The following ABCE1 variants were observed in gnomAD, a reference collection of about 807,000 sequenced individuals.
ABCE1 encodes ATP-binding cassette sub-family E member 1.
ABCE1 carries 22 observed loss-of-function variants against 83.4 expected under a neutral mutation model. The observed-to-expected ratio is 0.26, with a 90% confidence interval of 0.19 to 0.38. ABCE1 has a LOEUF of 0.38. Among genes scored for constraint, ABCE1 ranks in the 10% least tolerant of loss-of-function variants. ABCE1 has a pLI of 1.00. For missense variants in ABCE1, 330 were observed against 721.9 expected, an observed-to-expected ratio of 0.46 and a Z score of 6.22; for synonymous variants, 204 against 233.7, an observed-to-expected ratio of 0.87 and a Z score of 1.16.
At chr4:145,103,313 A>G (rs923518660) in intron 1 of ABCE1, among the ~76,000 whole-genome samples, 2 of 152,224 alleles carry the variant, frequency 1.3e-5, no homozygotes, top group Admixed American at 1.3e-4. Context: ...CTCTTTCTAA[A>G]TGGATAATCT....
At chr4:145,123,737 A>G in intron 16 of ABCE1, 137 bp downstream of exon 16, 2 of 837,772 alleles carry the variant, frequency 2.4e-6, no homozygotes, top group Non-Finnish European at 3.6e-6. Context: ...GATCATTGGT[A>G]TTGGGGACTG....
intron 9 of ABCE1, 30 bp downstream of exon 9, chr4:145,112,358 T>TAAA (rs917060523): frequency 4.2e-6 from 6 of 1,415,314 alleles, no homozygotes; most frequent in Admixed American, 2.2e-5. Context: ...ATTACTGTGT[T>TAAA]GTTTTGTTTG....
chr4:145,121,314 G>A lies in ABCE1; in HGVS notation c.1205-19G>A. 6.2e-7 allele frequency: 1 copy of A among 1,612,702 alleles called. No individual in the cohort carries two copies. Among genetic ancestry groups the A allele is most frequent in the Non-Finnish European group, 8.5e-7 (1 of 1,179,088 alleles). On this transcript the variant is annotated intron_variant, in intron 12 of 17. Coordinates refer to ENST00000296577, the MANE Select transcript of ABCE1 (RefSeq NM_002940.3). Reference sequence around the variant, plus strand: ...ATCTGGGCAGTTTTTAGTGTCTTATGTATTTCATTATTTTGCAGGAGAAGT... The same window carrying A: ...ATCTGGGCAGTTTTTAGTGTCTTATATATTTCATTATTTTGCAGGAGAAGT...
At position 145,127,909 on chromosome 4, in the gene ABCE1, C is replaced by G. The variant is rs947433407; in HGVS notation, c.*336C>G. The G allele has an allele frequency of 5.9e-6, 1 of 170,070 alleles. No individual in the cohort carries two copies. The highest frequency in any genetic ancestry group is 2.4e-5 in the African/African-American group (1 of 41,966). The allele number at this position is 170,070 out of a possible 1,614,324, so 10.5% of individuals were successfully genotyped here. ...GTACCAAATGCTGACCAGTGTTGCT[C>G]CATTTTTTAAATCTTGAAAAGGGTT... On this transcript the variant is annotated 3_prime_UTR_variant, in exon 18 of 18. Coordinates refer to ENST00000296577, the MANE Select transcript of ABCE1 (RefSeq NM_002940.3).
chr4:145,112,311 T>A lies in ABCE1; in HGVS notation c.783T>A (p.Ser261=), dbSNP rs778751651. Residue 261 remains serine, a synonymous_variant, in exon 9 of 18, where the codon TCT becomes TCA. Transcript: ENST00000296577. The part of the protein sequence containing the change: ...QRLKAAITIR[S]LINPDRYIIV... ...TAAAGGCTGCTATTACTATACGATC[T>A]CTAATAAATCCAGATAGGTAAGTAG... is the stretch of plus-strand genomic sequence containing the variant. 3.8e-6 allele frequency: 6 copies of A among 1,589,666 alleles called. No homozygotes were observed. The highest frequency in any genetic ancestry group is 5.1e-6 in the Non-Finnish European group (6 of 1,168,404).
At chr4:145,122,198 C>T (rs1749765245) in intron 13 of ABCE1, 1 of 152,244 alleles carries the variant, frequency 6.6e-6, no homozygotes, top group Admixed American at 6.5e-5. Flanking sequence ...ATGAACTCCT[C>T]AGTACCTCAA....
At position 145,109,117 on chromosome 4, in the gene ABCE1, G is replaced by C; in HGVS notation, c.288-15G>C. 6.5e-7 allele frequency: 1 copy of C among 1,542,348 alleles called. No individual in the cohort carries two copies. The highest frequency in any genetic ancestry group is 1.8e-4 in the Middle Eastern group (1 of 5,696). On this transcript the variant is annotated splice_polypyrimidine_tract_variant and intron_variant, in intron 4 of 17. Coordinates refer to ENST00000296577, the MANE Select transcript of ABCE1 (RefSeq NM_002940.3). Reference sequence around the variant, plus strand: ...AAATCTGAGTTGTTTTATTATTTTTGTATACTTGTAACAGGTTGCCTATCC... The same window carrying C: ...AAATCTGAGTTGTTTTATTATTTTTCTATACTTGTAACAGGTTGCCTATCC...
chr4:145,109,096 C>G (rs760555226), intron 4 of ABCE1, 36 bp from the exon 5 acceptor site: 1 of 1,426,568 alleles, frequency 7.0e-7, no homozygotes, highest in South Asian at 1.2e-5. Flanking sequence ...CTGTGTAAAT[C>G]TGAGTTGTTT....
At chr4:145,108,196 G>A (rs1749360195) in intron 4 of ABCE1, 84 bp downstream of exon 4, 1 of 1,224,488 alleles carries the variant, frequency 8.2e-7, no homozygotes, top group African/African-American at 1.5e-5. Context: ...AGAAATTGGG[G>A]GGAAATGCTA....
intron 17 of ABCE1, 82 bp downstream of exon 17, chr4:145,125,183 A>G (rs1418269092): frequency 9.6e-7 from 1 of 1,036,488 alleles, no homozygotes; most frequent in East Asian, 2.5e-5. Context: ...TCAATAACAT[A>G]TGGCTGGGCA....
intron 1 of ABCE1, among the ~76,000 whole-genome samples, chr4:145,099,872 G>T (rs1448289040): frequency 6.6e-6 from 1 of 152,186 alleles, no homozygotes; most frequent in Non-Finnish European, 1.5e-5. Flanking sequence ...GAATGACACT[G>T]AGGGTCATTG....
At position 145,112,605 on chromosome 4, in the gene ABCE1, A is replaced by C. The variant is rs549541009; in HGVS notation, c.800+277A>C. On this transcript the variant is annotated intron_variant, in intron 9 of 17. Transcript: ENST00000296577. ...AGCAGACCCTTAGCTTTTACCAGCT[A>C]TCTTTTTCTCTCTCTCTGTCTCTCA... is the stretch of plus-strand genomic sequence containing the variant. Among the ~76,000 whole-genome samples the C allele has an allele frequency of 2.6e-5, 4 of 152,278 alleles. No individual in the cohort carries two copies. The East Asian group carries it at 7.7e-4, about 29-fold the overall frequency.
Position 145,105,596 on chromosome 4 carries a change from C to T in ABCE1, c.104-9C>T, listed in dbSNP as rs1175937326. 6 of 1,573,358 alleles carry T rather than the reference C, an allele frequency of 3.8e-6. No homozygotes were observed. The highest frequency in any genetic ancestry group is 5.2e-6 in the Non-Finnish European group (6 of 1,151,252). ...GGAAATGGCTTAATTATATCTTTTC[C>T]TTTACCAGGAAAATTATGCATAGAG... On this transcript the variant is annotated splice_polypyrimidine_tract_variant and intron_variant, in intron 2 of 17. Coordinates refer to ENST00000296577, the MANE Select transcript of ABCE1 (RefSeq NM_002940.3).
At position 145,125,072 on chromosome 4, in the gene ABCE1, C is replaced by T; in HGVS notation, c.1723C>T (p.Pro575Ser). The T allele has an allele frequency of 6.2e-7, 1 of 1,610,174 alleles. No individual in the cohort carries two copies. The highest frequency in any genetic ancestry group is 8.5e-7 in the Non-Finnish European group (1 of 1,177,210). The change falls in exon 17 of 18, where the codon CCA becomes TCA. Residue 575 changes from proline to serine, a missense_variant. Transcript: ENST00000296577. ...TFRRDPNNYR[P>S]RINKLNSIKD... ...CAGAAGAGATCCAAACAACTATAGG[C>T]CACGAATAAACAAACTTAATTCAAT... is the stretch of plus-strand genomic sequence containing the variant.
At chr4:145,111,800 AT>A (rs1749483803) in intron 8 of ABCE1, among the ~76,000 whole-genome samples, 1 of 152,178 alleles carries the variant, frequency 6.6e-6, no homozygotes, top group Non-Finnish European at 1.5e-5. Context: ...CCTCCCAGAC[AT>A]TTATTGCTGC....
intron 17 of ABCE1, among the ~76,000 whole-genome samples, chr4:145,125,885 C>T (rs374906204): frequency 6.6e-6 from 1 of 151,916 alleles, no homozygotes; most frequent in African/African-American, 2.4e-5. Flanking sequence ...ACTAAAAATA[C>T]AAAAAATTAG....
chr4:145,111,302 A>C (rs1315885070), intron 8 of ABCE1, among the ~76,000 whole-genome samples: 1 of 152,152 alleles, frequency 6.6e-6, no homozygotes, highest in Non-Finnish European at 1.5e-5. Context: ...GGAACTTTTT[A>C]TATAAAGTCA....
At chr4:145,105,894 C>T (rs1749289974) in intron 3 of ABCE1, among the ~76,000 whole-genome samples, 1 of 151,910 alleles carries the variant, frequency 6.6e-6, no homozygotes, top group South Asian at 2.1e-4. Context: ...AAAAGTTACT[C>T]TTGCTGTACT....
chr4:145,112,562 T>G (rs34492893), intron 9 of ABCE1, among the ~76,000 whole-genome samples: 4,407 of 152,236 alleles, frequency 0.029, 197 homozygotes, highest in African/African-American at 0.098. Context: ...TATATGCAAA[T>G]TCCGTAGCTT....
Sources: allele counts gnomAD v4.1 joint callset (sites outside exome capture counted in the v4.1 genomes callset), GRCh38; gene constraint gnomAD v4.1.1; transcripts MANE v1.5; gene names NCBI Gene and HGNC (gene_info 2026-07-23, HGNC 2026-07-21).